The following LY75 variants were observed in gnomAD, a reference collection of about 807,000 sequenced individuals.
LY75 encodes lymphocyte antigen 75.
LY75 carries 185 observed loss-of-function variants against 231.7 expected under a neutral mutation model. The observed-to-expected ratio is 0.80, with a 90% CI of 0.71 to 0.90. The LOEUF (loss-of-function observed/expected upper bound fraction) is 0.90, where lower values mean the gene tolerates loss of function less well. Among genes scored for constraint, LY75 ranks in the 40% least tolerant of loss-of-function variants. LY75 has a pLI of 0.00. For missense variants in LY75, 1,947 were observed against 2,050.2 expected (o/e 0.95, Z 0.97); for synonymous variants, 668 against 689.0 (o/e 0.97, Z 0.48).
At chr2:159,855,392 G>A (rs924207516) in intron 16 of LY75, among the ~76,000 whole-genome samples, 2 of 152,196 alleles carry the variant, frequency 1.3e-5, no homozygotes, top group African/African-American at 4.8e-5. Context: ...AACTTAGGTT[G>A]ATAGAGTTCA....
chr2:159,864,970 AT>A, intron 13 of LY75, 50 bp from the exon 14 acceptor site: 1 of 1,532,046 alleles, frequency 6.5e-7, no homozygotes. Flanking sequence ...TGGCAAAAAT[AT>A]TTAGCACTCA....
intron 16 of LY75, among the ~76,000 whole-genome samples, chr2:159,855,607 C>T (rs1322652076): frequency 6.6e-6 from 1 of 152,114 alleles, no homozygotes; most frequent in Non-Finnish European, 1.5e-5. Flanking sequence ...ATTTTGCTGC[C>T]ATGGTATTTC....
intron 18 of LY75, among the ~76,000 whole-genome samples, chr2:159,854,018 C>T (rs1684477504): frequency 6.6e-6 from 1 of 151,976 alleles, no homozygotes; most frequent in Admixed American, 6.6e-5. Flanking sequence ...TATTTTTCTT[C>T]CCAAAAATTA....
At chr2:159,841,000 ACT>A in intron 24 of LY75, 45 bp from the exon 25 acceptor site, 3 of 1,598,048 alleles carry the variant, frequency 1.9e-6, no homozygotes, top group Admixed American at 1.7e-5. Context: ...CCTTCCCCAC[ACT>A]CTGCAAGTTA....
At chr2:159,892,112 C>T (rs1685777385) in intron 3 of LY75, among the ~76,000 whole-genome samples, 1 of 152,128 alleles carries the variant, frequency 6.6e-6, no homozygotes, top group Non-Finnish European at 1.5e-5. Context: ...TTGGGGGGCC[C>T]ACCAAAAATC....
chr2:159,864,723 A>G (rs1011834353), intron 14 of LY75, 116 bp downstream of exon 14: 2 of 1,002,072 alleles, frequency 2.0e-6, no homozygotes, highest in Non-Finnish European at 2.8e-6. Context: ...TTGGCTATTC[A>G]GGGTCTTTTG....
At chr2:159,869,233 G>A (rs1034046972) in intron 13 of LY75, among the ~76,000 whole-genome samples, 9 of 151,668 alleles carry the variant, frequency 5.9e-5, no homozygotes, top group African/African-American at 2.2e-4. Flanking sequence ...AACCAACATG[G>A]CACATGTATA....
At chr2:159,813,465 G>C (rs1287942676) in intron 31 of LY75, among the ~76,000 whole-genome samples, 1 of 152,050 alleles carries the variant, frequency 6.6e-6, no homozygotes, top group East Asian at 1.9e-4. Context: ...CTGGAGGCTA[G>C]AAGTCTGAAT....
At chr2:159,890,690 T>C (rs1358287468) in intron 3 of LY75, among the ~76,000 whole-genome samples, 1 of 152,122 alleles carries the variant, frequency 6.6e-6, no homozygotes, top group Non-Finnish European at 1.5e-5. Flanking sequence ...AGTGTGCACA[T>C]GTTGTGAACA....
At chr2:159,820,478 G>A (rs1314172242) in intron 28 of LY75, among the ~76,000 whole-genome samples, 1 of 152,204 alleles carries the variant, frequency 6.6e-6, no homozygotes, top group African/African-American at 2.4e-5. Flanking sequence ...TGGGAGCTAA[G>A]CTATGAGGAT....
chr2:159,856,321 T>G (rs887809942), intron 16 of LY75, among the ~76,000 whole-genome samples: 1 of 152,202 alleles, frequency 6.6e-6, no homozygotes, highest in Admixed American at 6.5e-5. Flanking sequence ...AAATATCCAC[T>G]GTGGTTGAGG....
At chr2:159,837,482 G>A (rs1683869017) in intron 25 of LY75, among the ~76,000 whole-genome samples, 1 of 152,110 alleles carries the variant, frequency 6.6e-6, no homozygotes, top group Non-Finnish European at 1.5e-5. Context: ...TATTGTCTGG[G>A]GACTCCAAAA....
intron 2 of LY75, among the ~76,000 whole-genome samples, chr2:159,897,119 T>C (rs532949296): frequency 1.3e-5 from 2 of 152,142 alleles, no homozygotes; most frequent in South Asian, 4.2e-4. Context: ...ATAAAATACA[T>C]AGGATAAAAA....
chr2:159,897,640 T>G (rs1011127746), intron 2 of LY75, among the ~76,000 whole-genome samples: 14 of 152,300 alleles, frequency 9.2e-5, no homozygotes, highest in Admixed American at 2.6e-4. Flanking sequence ...GAGGCCAAAT[T>G]TAGCTTAAAT....
At chr2:159,874,727 G>T in intron 12 of LY75, among the ~76,000 whole-genome samples, 3 of 29,260 alleles carry the variant, frequency 1.0e-4, no homozygotes, top group Admixed American at 3.7e-4. Flanking sequence ...TATATATTTT[G>T]TAAATATATG....
intron 21 of LY75, 64 bp downstream of exon 21, chr2:159,852,137 C>A: frequency 3.2e-6 from 5 of 1,583,954 alleles, no homozygotes; most frequent in Non-Finnish European, 2.6e-6. Context: ...TGCCATTCTG[C>A]CATAGGCTAT....
intron 4 of LY75, among the ~76,000 whole-genome samples, chr2:159,887,280 T>G (rs1685620636): frequency 6.8e-6 from 1 of 146,484 alleles, no homozygotes; most frequent in Non-Finnish European, 1.5e-5. Flanking sequence ...TCATTCAAAT[T>G]TGTTATTTGA....
chr2:159,811,726 T>C (rs1682968093), intron 31 of LY75, among the ~76,000 whole-genome samples: 1 of 152,228 alleles, frequency 6.6e-6, no homozygotes, highest in Non-Finnish European at 1.5e-5. Flanking sequence ...TTCCTTCTGC[T>C]GCTTCTCTAT....
In LY75 at chr2:159,805,126, A is replaced by C. The variant is rs780582769; in HGVS notation, c.5087T>G (p.Leu1696Trp). The change falls in exon 35 of 35, where the codon TTG becomes TGG. Residue 1696 changes from leucine (L) to tryptophan (W), a missense_variant. Physicochemically the swap from Leu to Trp is moderately conservative, Grantham distance 61. Coordinates refer to ENST00000263636, the MANE Select transcript of LY75 (RefSeq NM_002349.4). Reference protein sequence around the residue: ...LIWFLFQRHRLHLAGFSSVRY... With the variant: ...LIWFLFQRHRWHLAGFSSVRY... ...AACTGATGAGAAACCCGCCAGGTGC[A>C]AACGGTGCCTTTGGAAGAGGAACCA... The C allele has an allele frequency of 6.2e-7, 1 of 1,614,198 alleles. No individual in the cohort carries two copies. Among genetic ancestry groups the C allele is most frequent in the East Asian group, 2.2e-5 (1 of 44,880 alleles).
Sources: gnomAD v4.1 joint callset for allele counts (sites outside exome capture counted in the v4.1 genomes callset) on GRCh38, gnomAD v4.1.1 for gene constraint, MANE v1.5 for transcripts, NCBI Gene and HGNC (gene_info 2026-07-23, HGNC 2026-07-21) for gene names.